The following NTM variants were observed in gnomAD, a reference collection of about 807,000 sequenced individuals.
The protein encoded by NTM is IgLON family member 2.
In NTM, 13 loss-of-function variants were observed where a neutral mutation model predicts 42.1. The observed-to-expected ratio is 0.31, with a 90% CI of 0.20 to 0.49. The LOEUF (loss-of-function observed/expected upper bound fraction) is 0.49. Among genes scored for constraint, NTM ranks in the 20% least tolerant of loss-of-function variants. NTM has a pLI of 0.99. For synonymous variants in NTM, 187 were observed against 179.2 expected, an observed-to-expected ratio of 1.04 and a Z score of -0.35; for missense variants, 373 against 452.8, an observed-to-expected ratio of 0.82 and a Z score of 1.60.
At chr11:132,071,443 G>A (rs2057659255) in intron 2 of NTM, among the ~76,000 whole-genome samples, 1 of 152,220 alleles carries the variant, frequency 6.6e-6, no homozygotes, top group Non-Finnish European at 1.5e-5. Context: ...GTGCTTGCCT[G>A]TATTAAGCCC....
intron 1 of NTM, among the ~76,000 whole-genome samples, chr11:131,419,744 G>A (rs1307722568): frequency 6.6e-6 from 1 of 152,118 alleles, no homozygotes; most frequent in African/African-American, 2.4e-5. Context: ...GAGGGATGGA[G>A]GTATAAAGGA....
chr11:132,038,371 C>T (rs1324373923), intron 2 of NTM, among the ~76,000 whole-genome samples: 2 of 152,152 alleles, frequency 1.3e-5, no homozygotes, highest in Admixed American at 6.5e-5. Flanking sequence ...GAGAAGTTCA[C>T]GGGTGTGATT....
intron 4 of NTM, among the ~76,000 whole-genome samples, chr11:132,229,951 G>A (rs2087145797): frequency 6.6e-6 from 1 of 152,230 alleles, no homozygotes; most frequent in Admixed American, 6.5e-5. Flanking sequence ...CAAGAGAGCA[G>A]CAACCTTCCT....
intron 4 of NTM, among the ~76,000 whole-genome samples, chr11:132,224,230 C>G (rs973906444): frequency 6.6e-6 from 1 of 152,128 alleles, no homozygotes; most frequent in Non-Finnish European, 1.5e-5. Context: ...ACCGAGGAGG[C>G]ACTCCCCTCA....
At chr11:131,538,079 G>T (rs2052563814) in intron 1 of NTM, 1 of 152,202 alleles carries the variant, frequency 6.6e-6, no homozygotes, top group African/African-American at 2.4e-5. Flanking sequence ...CTGGCTTTTA[G>T]GATTTCCATA....
At chr11:132,270,212 G>T (rs895072138) in intron 4 of NTM, among the ~76,000 whole-genome samples, 3 of 152,024 alleles carry the variant, frequency 2.0e-5, no homozygotes, top group Non-Finnish European at 2.9e-5. Context: ...TTTATTAAGA[G>T]ACCATATATT....
At chr11:132,081,657 G>A (rs571715680) in intron 2 of NTM, among the ~76,000 whole-genome samples, 5 of 151,808 alleles carry the variant, frequency 3.3e-5, no homozygotes, top group South Asian at 2.1e-4. Context: ...GCGTGAACCC[G>A]GGAGGTGGAG....
intron 1 of NTM, among the ~76,000 whole-genome samples, chr11:131,445,039 A>G (rs1949945563): frequency 6.6e-6 from 1 of 152,242 alleles, no homozygotes; most frequent in African/African-American, 2.4e-5. Context: ...TATAATACCA[A>G]GAAGTCAGCA....
At chr11:132,061,369 A>C (rs997379253) in intron 2 of NTM, among the ~76,000 whole-genome samples, 9 of 152,196 alleles carry the variant, frequency 5.9e-5, no homozygotes, top group Admixed American at 4.6e-4. Flanking sequence ...AGCATCTTTC[A>C]TATTGCAATT....
chr11:131,909,504 T>C (rs1324732784), intron 1 of NTM, among the ~76,000 whole-genome samples: 1 of 151,882 alleles, frequency 6.6e-6, no homozygotes, highest in Non-Finnish European at 1.5e-5. Flanking sequence ...TTTGATAGAG[T>C]CTAGGGGAAA....
intron 1 of NTM, among the ~76,000 whole-genome samples, chr11:131,861,982 A>C (rs1199660210): frequency 6.6e-6 from 1 of 152,204 alleles, no homozygotes; most frequent in Admixed American, 6.5e-5. Context: ...GGAGGCATCC[A>C]GCTCACCTGA....
chr11:132,239,949 A>C (rs998154185), intron 4 of NTM, among the ~76,000 whole-genome samples: 12 of 151,918 alleles, frequency 7.9e-5, no homozygotes, highest in African/African-American at 2.4e-4. Context: ...TTATCCATCC[A>C]TTCATCCATC....
chr11:131,817,425 A>G (rs915512957), intron 1 of NTM, among the ~76,000 whole-genome samples: 5 of 152,054 alleles, frequency 3.3e-5, no homozygotes, highest in African/African-American at 1.2e-4. Context: ...TTTTTTTTTA[A>G]GCAAACACTT....
intron 1 of NTM, among the ~76,000 whole-genome samples, chr11:131,562,172 G>T (rs1007503363): frequency 6.6e-6 from 1 of 152,028 alleles, no homozygotes; most frequent in Non-Finnish European, 1.5e-5. Flanking sequence ...CCTGGGGACC[G>T]ACAGCCCTGT....
At chr11:132,334,052 C>A (rs893060266) in intron 8 of NTM, among the ~76,000 whole-genome samples, 2 of 152,208 alleles carry the variant, frequency 1.3e-5, no homozygotes, top group Admixed American at 6.5e-5. Flanking sequence ...AAATTCAATG[C>A]AACAGAGTAT....
chr11:131,696,529 A>G (rs2075465893), intron 1 of NTM, among the ~76,000 whole-genome samples: 1 of 152,140 alleles, frequency 6.6e-6, no homozygotes, highest in Non-Finnish European at 1.5e-5. Context: ...CCAGAGAGTC[A>G]TTCTTTCTCT....
rs192540216 is a variant in NTM, at chr11:131,731,094, T to C, written c.83-180470T>C. On this transcript the variant is annotated intron_variant, in intron 1 of 8. Coordinates refer to ENST00000683400, the MANE Select transcript of NTM (RefSeq NM_001352005.2). ...ATGATTTTTTATGCTATAAAAACCC[T>C]ACAATTTGATGGAACTGATCTGACT... Among the ~76,000 whole-genome samples, 20 of 152,318 alleles carry C rather than the reference T, an allele frequency of 1.3e-4. No individual in the cohort carries two copies. In the East Asian group the frequency reaches 3.7e-3, roughly 28 times the overall value.
At chr11:132,181,872 A>G (rs1233194441) in intron 3 of NTM, among the ~76,000 whole-genome samples, 1 of 151,976 alleles carries the variant, frequency 6.6e-6, no homozygotes, top group African/African-American at 2.4e-5. Context: ...AGACCAGGTG[A>G]CATTCCTATG....
chr11:132,147,220 A>T (rs997380215), intron 3 of NTM, among the ~76,000 whole-genome samples: 1,516 of 141,612 alleles, frequency 0.011, 23 homozygotes, highest in African/African-American at 0.037. Flanking sequence ...TGTGTGAGAG[A>T]GAGAGAGAGA....
Sources: allele counts gnomAD v4.1 joint callset (sites outside exome capture counted in the v4.1 genomes callset), GRCh38; gene constraint gnomAD v4.1.1; transcripts MANE v1.5; gene names NCBI Gene and HGNC (gene_info 2026-07-23, HGNC 2026-07-21).